Variants in CXADR observed in about 807,000 individuals in gnomAD.
The protein encoded by CXADR is CXADR cell adhesion molecule, also known as coxsackievirus and adenovirus receptor.
CXADR carries 20 observed loss-of-function variants against 40.3 expected under a neutral mutation model. The ratio of observed to expected loss-of-function variants is 0.50; its 90% confidence interval spans 0.35 to 0.72. The LOEUF (loss-of-function observed/expected upper bound fraction) is 0.72, where lower values mean the gene tolerates loss of function less well. Ranked by LOEUF, CXADR falls within the 30% of genes least tolerant of loss-of-function variation. The pLI is 0.01. For missense variants in CXADR, 332 were observed against 449.1 expected (o/e 0.74, Z 2.36); for synonymous variants, 150 against 161.3 (o/e 0.93, Z 0.53).
chr21:17,513,518 G>T (rs1169198921), intron 1 of CXADR, among the ~76,000 whole-genome samples: 2 of 152,216 alleles, frequency 1.3e-5, no homozygotes. Context: ...TGCTCTCGCC[G>T]TCTCCCTTGT....
intron 1 of CXADR, among the ~76,000 whole-genome samples, chr21:17,522,622 G>A (rs560575952): frequency 6.6e-6 from 1 of 152,244 alleles, no homozygotes; most frequent in South Asian, 2.1e-4. Context: ...GCTACATCCG[G>A]TGGTCACATC....
intron 7 of CXADR, chr21:17,593,131 T>C (rs1253129910): frequency 3.6e-6 from 5 of 1,398,850 alleles, no homozygotes; most frequent in Non-Finnish European, 3.7e-6. Context: ...TATAGAGATA[T>C]CTCTTTTTTT....
the CXADR span, among the ~76,000 whole-genome samples, chr21:17,635,170 A>G: frequency 6.6e-6 from 1 of 152,198 alleles, no homozygotes; most frequent in African/African-American, 2.4e-5. Context: ...TGAAAATATC[A>G]AGGTTAAGAC....
In CXADR at chr21:17,566,239, C is replaced by T. The variant is rs931301068; in HGVS notation, c.*547C>T. The T allele has an allele frequency of 1.0e-6, 1 of 978,292 alleles. No homozygotes were observed. Among genetic ancestry groups the T allele is most frequent in the African/African-American group, 1.8e-5 (1 of 57,074 alleles). 60.6% of individuals were successfully genotyped at this position (978,292 alleles called of 1,614,324 possible). ...GGAATATCTCTAAAAACATAGAAAACACTACAGTGGTTTAGAAATTACTAA... is the reference window on the plus strand; with the variant it reads ...GGAATATCTCTAAAAACATAGAAAATACTACAGTGGTTTAGAAATTACTAA... On this transcript the variant is annotated 3_prime_UTR_variant, in exon 7 of 7. Transcript: ENST00000284878.
chr21:17,545,357 T>C (rs546908665), intron 1 of CXADR, among the ~76,000 whole-genome samples: 1 of 152,332 alleles, frequency 6.6e-6, no homozygotes, highest in South Asian at 2.1e-4. Flanking sequence ...ACTAGTGCTA[T>C]GCATACTTTT....
At chr21:17,612,125 G>T in the CXADR span, 2 of 152,330 alleles carry the variant, frequency 1.3e-5, no homozygotes, top group African/African-American at 4.8e-5. Context: ...ACCCGCTCTT[G>T]AAAGAACCGC....
the CXADR span, among the ~76,000 whole-genome samples, chr21:17,621,261 C>T: frequency 1.2e-4 from 19 of 152,152 alleles, no homozygotes; most frequent in African/African-American, 4.6e-4. Flanking sequence ...CCCTAGTGAA[C>T]CACATAAAGC....
chr21:17,516,005 C>T (rs1355052166), intron 1 of CXADR, among the ~76,000 whole-genome samples: 2 of 152,080 alleles, frequency 1.3e-5, no homozygotes, highest in African/African-American at 2.4e-5. Flanking sequence ...TTATTGGCTG[C>T]CTACTAGTGA....
chr21:17,528,825 G>C (rs2060632979), intron 1 of CXADR, among the ~76,000 whole-genome samples: 1 of 151,980 alleles, frequency 6.6e-6, no homozygotes, highest in Non-Finnish European at 1.5e-5. Context: ...GAGGCCTCCA[G>C]AGCCTTTCCC....
At chr21:17,594,239 A>G (rs941716098), downstream of CXADR, 2 of 1,613,262 alleles carry the variant, frequency 1.2e-6, no homozygotes, top group African/African-American at 1.3e-5. Context: ...GGAGGAGGAT[A>G]GTGATTCTGA....
rs767607873 is a variant in CXADR, at chr21:17,561,406, C to G, written c.763C>G (p.Leu255Val). 1.2e-6 allele frequency: 2 copies of G among 1,612,292 alleles called. No individual in the cohort carries two copies. Among genetic ancestry groups the G allele is most frequent in the South Asian group, 2.2e-5 (2 of 90,780 alleles). ...GTLLALALIG[L>V]IIFCCRKKRR... ...TTTGCTTGCTCTAGCGCTCATTGGT[C>G]TTATCATCTTTTGCTGTCGTAAAAA... is the stretch of plus-strand genomic sequence containing the variant. Residue 255 changes from leucine to valine, a missense_variant, in exon 6 of 7, where the codon CTT becomes GTT. Leu to Val is a conservative substitution (Grantham distance 32). This residue lies in a region of CXADR where 150 missense variants were observed against 194.2 expected (regional missense o/e 0.77). Coordinates refer to ENST00000284878, the MANE Select transcript of CXADR (RefSeq NM_001338.5).
At chr21:17,606,431 T>C in the CXADR span, among the ~76,000 whole-genome samples, 1 of 152,164 alleles carries the variant, frequency 6.6e-6, no homozygotes, top group Non-Finnish European at 1.5e-5. Context: ...GTATGTAAAA[T>C]ACTGCTTAGT....
At chr21:17,635,708 C>T in the CXADR span, among the ~76,000 whole-genome samples, 1 of 152,000 alleles carries the variant, frequency 6.6e-6, no homozygotes, top group African/African-American at 2.4e-5. Context: ...TTAAGAAAAC[C>T]ACACACACAC....
chr21:17,575,813 C>T (rs890485638), intron 7 of CXADR, among the ~76,000 whole-genome samples: 14 of 151,274 alleles, frequency 9.3e-5, no homozygotes, highest in African/African-American at 2.4e-4. Context: ...TTAGGCTGGG[C>T]GCAGTGGCTC....
the CXADR span, among the ~76,000 whole-genome samples, chr21:17,614,899 A>G: frequency 5.3e-5 from 8 of 152,188 alleles, no homozygotes; most frequent in African/African-American, 1.9e-4. Flanking sequence ...TGTGCTTCAG[A>G]TGCTTTGCCC....
In CXADR at chr21:17,566,575, T is replaced by C. The variant is rs1223207127; in HGVS notation, c.*883T>C. On this transcript the variant is annotated 3_prime_UTR_variant, in exon 7 of 7. Coordinates refer to ENST00000284878, the MANE Select transcript of CXADR (RefSeq NM_001338.5). ...TGATATTTTTCTTATTAGAAAAATA[T>C]TATAACTCATTTGTTGTTTGACACT... is the stretch of plus-strand genomic sequence containing the variant. 2.7e-5 allele frequency: 27 copies of C among 981,870 alleles called. No homozygotes were observed. Among genetic ancestry groups the C allele is most frequent in the Non-Finnish European group, 3.1e-5 (26 of 826,722 alleles). The allele number at this position is 981,870 out of a possible 1,614,324, so 60.8% of individuals were successfully genotyped here.
At chr21:17,545,771 G>GTT (rs147395162) in intron 1 of CXADR, among the ~76,000 whole-genome samples, 29,871 of 136,684 alleles carry the variant, frequency 0.22, 3,028 homozygotes, top group East Asian at 0.26. Context: ...TCAACTATTT[G>GTT]GTTTTTTTTG....
At chr21:17,552,373 A>G (rs1410898062) in intron 3 of CXADR, among the ~76,000 whole-genome samples, 3 of 152,234 alleles carry the variant, frequency 2.0e-5, no homozygotes, top group Non-Finnish European at 2.9e-5. Flanking sequence ...AAGTAAGGCC[A>G]TTAGGCATCA....
chr21:17,528,068 CTTTT>C (rs35477813), intron 1 of CXADR, among the ~76,000 whole-genome samples: 4 of 78,352 alleles, frequency 5.1e-5, no homozygotes, highest in African/African-American at 1.5e-4. Context: ...TTAGTTCTTT[CTTTT>C]TTTTTTTTTT....
Sources: gnomAD v4.1 joint callset for allele counts (sites outside exome capture counted in the v4.1 genomes callset) on GRCh38, gnomAD v4.1.1 for gene constraint, gnomAD v4.1.1 regional missense constraint, MANE v1.5 for transcripts, NCBI Gene and HGNC (gene_info 2026-07-23, HGNC 2026-07-21) for gene names.